FTO: variants seen among roughly 807,000 people sequenced by gnomAD.
FTO encodes alpha-ketoglutarate-dependent dioxygenase FTO.
A neutral mutation model predicts 63.9 loss-of-function variants in FTO; 47 were observed. The ratio of observed to expected loss-of-function variants is 0.74; its 90% CI spans 0.58 to 0.94. The LOEUF (loss-of-function observed/expected upper bound fraction) is 0.94, where lower values mean the gene tolerates loss of function less well. Ranked by LOEUF, FTO falls within the 40% of genes least tolerant of loss-of-function variation. The probability of loss-of-function intolerance (pLI) is 0.00; values close to 1 mark genes in which losing one functional copy is unlikely to be tolerated. For missense variants in FTO, 562 were observed against 618.1 expected, an observed-to-expected ratio of 0.91 and a Z score of 0.96; for synonymous variants, 207 against 224.4, an observed-to-expected ratio of 0.92 and a Z score of 0.69.
chr16:53,718,359 T>G (rs1204440067), intron 1 of FTO, among the ~76,000 whole-genome samples: 1 of 152,182 alleles, frequency 6.6e-6, no homozygotes, highest in African/African-American at 2.4e-5. Context: ...GTTTGCTATT[T>G]TTGTATTTGG....
intron 8 of FTO, among the ~76,000 whole-genome samples, chr16:54,053,776 G>C (rs1384898823): frequency 1.3e-5 from 2 of 152,062 alleles, no homozygotes; most frequent in East Asian, 1.9e-4. Flanking sequence ...CCCTGCCTTC[G>C]AGAAACAGTC....
chr16:53,847,768 CAA>C (rs758088459), intron 4 of FTO, among the ~76,000 whole-genome samples: 11 of 111,696 alleles, frequency 9.8e-5, no homozygotes, highest in African/African-American at 1.7e-4. Context: ...AATTCCATCT[CAA>C]AAAAAAAAAA....
chr16:54,055,033 A>G (rs939009599), intron 8 of FTO, among the ~76,000 whole-genome samples: 16 of 152,194 alleles, frequency 1.1e-4, no homozygotes, highest in African/African-American at 3.6e-4. Flanking sequence ...TCATGGAAGG[A>G]AGAGATGGAG....
At chr16:53,714,389 C>A (rs976760171) in intron 1 of FTO, among the ~76,000 whole-genome samples, 1 of 152,196 alleles carries the variant, frequency 6.6e-6, no homozygotes, top group African/African-American at 2.4e-5. Context: ...ATTAAAGTCT[C>A]AAGGCTGCAT....
intron 2 of FTO, among the ~76,000 whole-genome samples, chr16:53,815,083 C>CAGAG (rs56202708): frequency 1.1e-4 from 16 of 147,944 alleles, no homozygotes; most frequent in South Asian, 2.2e-4. Context: ...GGGAGACGGT[C>CAGAG]AGAGAGAGAG....
chr16:54,101,273 C>G (rs748055199), intron 8 of FTO, among the ~76,000 whole-genome samples: 7 of 152,112 alleles, frequency 4.6e-5, no homozygotes, highest in African/African-American at 7.2e-5. Context: ...CTGCTCTCCC[C>G]CTCCTCGCAC....
chr16:53,712,139 G>A (rs971327570), intron 1 of FTO, among the ~76,000 whole-genome samples: 6 of 152,246 alleles, frequency 3.9e-5, no homozygotes, highest in Non-Finnish European at 8.8e-5. Flanking sequence ...TGTTATTTAT[G>A]TTTTTACTGA....
At chr16:54,024,113 G>C (rs1203312728) in intron 8 of FTO, among the ~76,000 whole-genome samples, 3 of 152,116 alleles carry the variant, frequency 2.0e-5, no homozygotes, top group African/African-American at 7.2e-5. Flanking sequence ...TCTTCAATTA[G>C]ATGGTTTCTC....
intron 1 of FTO, among the ~76,000 whole-genome samples, chr16:53,721,654 G>A (rs1465354496): frequency 6.6e-6 from 1 of 152,148 alleles, no homozygotes; most frequent in Non-Finnish European, 1.5e-5. Context: ...CATCATATAA[G>A]TCAGTCTTAG....
At chr16:53,783,712 C>T (rs938663948) in intron 1 of FTO, among the ~76,000 whole-genome samples, 11 of 151,738 alleles carry the variant, frequency 7.2e-5, no homozygotes, top group African/African-American at 2.7e-4. Context: ...CACTTGAACC[C>T]GAAAGGTGGA....
intron 1 of FTO, among the ~76,000 whole-genome samples, chr16:53,800,386 A>G (rs2078188261): frequency 6.6e-6 from 1 of 152,190 alleles, no homozygotes; most frequent in African/African-American, 2.4e-5. Context: ...CAATCCTTAT[A>G]AATGTATTGA....
intron 1 of FTO, among the ~76,000 whole-genome samples, chr16:53,756,735 T>C (rs1163796530): frequency 6.6e-6 from 1 of 152,236 alleles, no homozygotes; most frequent in East Asian, 1.9e-4. Context: ...GCAGTGTTTT[T>C]CCTTGCTGTT....
At chr16:54,028,828 C>G (rs1322058125) in intron 8 of FTO, among the ~76,000 whole-genome samples, 1 of 151,950 alleles carries the variant, frequency 6.6e-6, no homozygotes, top group East Asian at 1.9e-4. Context: ...TAGAGGAGTC[C>G]TTTACCAATT....
intron 1 of FTO, among the ~76,000 whole-genome samples, chr16:53,779,067 G>A (rs1014075599): frequency 6.6e-6 from 1 of 152,032 alleles, no homozygotes; most frequent in South Asian, 2.1e-4. Context: ...GCCTTTGATT[G>A]CTTTATTTGT....
chr16:54,033,453 C>G (rs1308078706), intron 8 of FTO, among the ~76,000 whole-genome samples: 1 of 152,144 alleles, frequency 6.6e-6, no homozygotes, highest in Non-Finnish European at 1.5e-5. Context: ...TTGCTTAGAT[C>G]AAGGAATCTA....
chr16:54,051,917 G>A (rs556014045), intron 8 of FTO, among the ~76,000 whole-genome samples: 3 of 152,138 alleles, frequency 2.0e-5, no homozygotes, highest in African/African-American at 7.2e-5. Context: ...TCAGAGATTA[G>A]AAGTTCTGGA....
Position 53,812,970 on chromosome 16 carries a change from A to T in FTO, c.123+2753A>T, listed in dbSNP as rs531290239. On this transcript the variant is annotated intron_variant, in intron 2 of 8. Coordinates refer to ENST00000471389, the MANE Select transcript of FTO (RefSeq NM_001080432.3). ...TATAAGCCTTCTGGTGCATGATTAC[A>T]TGCATTGTCACAAAGCAACTGCCAA... Among the ~76,000 whole-genome samples the T allele has an allele frequency of 3.3e-5, 5 of 152,348 alleles. No homozygotes were observed. In the South Asian group the frequency reaches 1.0e-3, roughly 32 times the overall value.
intron 1 of FTO, among the ~76,000 whole-genome samples, chr16:53,776,040 G>A (rs1461169820): frequency 1.3e-5 from 2 of 152,150 alleles, no homozygotes; most frequent in African/African-American, 4.8e-5. Flanking sequence ...GGGTCAATCT[G>A]GGGGCTGAAG....
At chr16:53,958,417 G>C (rs565970394) in intron 8 of FTO, among the ~76,000 whole-genome samples, 1 of 152,312 alleles carries the variant, frequency 6.6e-6, no homozygotes, top group Admixed American at 6.5e-5. Flanking sequence ...CTGGGAAGCT[G>C]GCGGCCGGCT....
Sources: gnomAD v4.1 joint callset for allele counts (sites outside exome capture counted in the v4.1 genomes callset) on GRCh38, gnomAD v4.1.1 for gene constraint, MANE v1.5 for transcripts, NCBI Gene and HGNC (gene_info 2026-07-23, HGNC 2026-07-21) for gene names.